Variants in KCNIP4 observed in about 807,000 individuals in gnomAD.
KCNIP4 encodes the protein Kv channel-interacting protein 4.
In KCNIP4, 12 loss-of-function variants were observed where a neutral mutation model predicts 34.0. The ratio of observed to expected loss-of-function variants is 0.35; its 90% CI spans 0.23 to 0.57. KCNIP4 has a LOEUF of 0.57. KCNIP4 is among the 20% of genes least tolerant of loss of function. The pLI, the probability that KCNIP4 is intolerant of heterozygous loss-of-function variation, is 0.83. For missense variants in KCNIP4, 238 were observed against 311.7 expected (o/e 0.76, Z 1.78); for synonymous variants, 124 against 102.2 (o/e 1.21, Z -1.29).
intron 1 of KCNIP4, among the ~76,000 whole-genome samples, chr4:21,893,306 G>C (rs999272278): frequency 3.9e-5 from 6 of 152,076 alleles, no homozygotes; most frequent in Non-Finnish European, 5.9e-5. Context: ...TGTATGCTTT[G>C]GTTTTATTTT....
intron 1 of KCNIP4, among the ~76,000 whole-genome samples, chr4:21,135,751 C>T (rs28684660): frequency 0.53 from 80,308 of 151,996 alleles, 21,800 homozygotes; most frequent in African/African-American, 0.64. Context: ...ATCTTGGGCT[C>T]GAAAGCCTAA....
At chr4:20,774,768 CA>C (rs1756230943) in intron 3 of KCNIP4, among the ~76,000 whole-genome samples, 3 of 152,144 alleles carry the variant, frequency 2.0e-5, no homozygotes, top group Non-Finnish European at 4.4e-5. Flanking sequence ...ACCCTGTGTA[CA>C]AAAACCTGTG....
intron 1 of KCNIP4, among the ~76,000 whole-genome samples, chr4:21,556,495 T>C (rs921918684): frequency 6.6e-6 from 1 of 152,162 alleles, no homozygotes; most frequent in Non-Finnish European, 1.5e-5. Context: ...AAGGATGACA[T>C]GGGACTTTGT....
chr4:21,787,486 T>C (rs563151999), intron 1 of KCNIP4, among the ~76,000 whole-genome samples: 1 of 152,316 alleles, frequency 6.6e-6, no homozygotes, highest in Admixed American at 6.5e-5. Context: ...ACTCCAGATA[T>C]TATACTAAAT....
At chr4:21,799,940 G>A (rs1459241122) in intron 1 of KCNIP4, among the ~76,000 whole-genome samples, 1 of 152,160 alleles carries the variant, frequency 6.6e-6, no homozygotes, top group Non-Finnish European at 1.5e-5. Context: ...AGTTGTGACC[G>A]TGACTATACG....
rs575542899 is a variant in KCNIP4 at position 20,812,541 on chromosome 4, A to C, written c.288+38002T>G. ...GCTTAAACATATTTTTCATGTCGCA[A>C]TATGCTTAGGGAAAGCTGGCCCCTT... On this transcript the variant is annotated intron_variant, in intron 3 of 8. Coordinates refer to ENST00000382152, the MANE Select transcript of KCNIP4 (RefSeq NM_025221.6). Among the ~76,000 whole-genome samples the C allele has an allele frequency of 2.1e-3, 324 of 152,276 alleles. 2 individuals carry two copies. The highest frequency in any genetic ancestry group is 3.9e-3 in the Non-Finnish European group (268 of 68,018).
intron 1 of KCNIP4, among the ~76,000 whole-genome samples, chr4:21,353,372 C>A (rs572113329): frequency 6.6e-6 from 1 of 152,084 alleles, no homozygotes; most frequent in Non-Finnish European, 1.5e-5. Flanking sequence ...CATGTTCTAA[C>A]CCATTGCAAG....
At chr4:21,467,383 T>G (rs1730079311) in intron 1 of KCNIP4, among the ~76,000 whole-genome samples, 1 of 152,150 alleles carries the variant, frequency 6.6e-6, no homozygotes, top group Non-Finnish European at 1.5e-5. Flanking sequence ...TTTTCTGGAT[T>G]TGAGTCTGTT....
chr4:21,474,184 C>CT (rs1182986963), intron 1 of KCNIP4, among the ~76,000 whole-genome samples: 1 of 151,968 alleles, frequency 6.6e-6, no homozygotes, highest in Non-Finnish European at 1.5e-5. Flanking sequence ...TTCATGAACT[C>CT]TATCAGTGGA....
chr4:20,942,241 A>G (rs1302361466), intron 1 of KCNIP4, among the ~76,000 whole-genome samples: 4 of 152,190 alleles, frequency 2.6e-5, no homozygotes, highest in Non-Finnish European at 5.9e-5. Context: ...GAAGAATTAC[A>G]TGGTGAGCAC....
intron 1 of KCNIP4, among the ~76,000 whole-genome samples, chr4:21,312,468 G>T (rs979937522): frequency 6.6e-6 from 1 of 152,148 alleles, no homozygotes; most frequent in Non-Finnish European, 1.5e-5. Context: ...GCATTAATCT[G>T]CTCAAACACC....
At chr4:21,226,463 T>G in intron 1 of KCNIP4, among the ~76,000 whole-genome samples, 1 of 151,948 alleles carries the variant, frequency 6.6e-6, no homozygotes, top group South Asian at 2.1e-4. Context: ...AACGTGAAAT[T>G]TGTATTTGAG....
intron 1 of KCNIP4, among the ~76,000 whole-genome samples, chr4:21,580,665 C>T (rs1741135793): frequency 6.6e-6 from 1 of 152,098 alleles, no homozygotes; most frequent in African/African-American, 2.4e-5. Flanking sequence ...AATATTTTTA[C>T]ATTTGCCATG....
At chr4:21,646,168 A>G (rs539971047) in intron 1 of KCNIP4, among the ~76,000 whole-genome samples, 133 of 152,242 alleles carry the variant, frequency 8.7e-4, no homozygotes, top group African/African-American at 3.0e-3. Flanking sequence ...TCCCAAGTAA[A>G]GCCTACATTA....
intron 1 of KCNIP4, among the ~76,000 whole-genome samples, chr4:21,131,998 C>G (rs754265487): frequency 2.6e-5 from 4 of 152,010 alleles, no homozygotes; most frequent in Admixed American, 6.5e-5. Flanking sequence ...AGAGAGGTAC[C>G]GTGGTAATGA....
chr4:21,786,756 CG>C (rs1490240971), intron 1 of KCNIP4, among the ~76,000 whole-genome samples: 1 of 151,738 alleles, frequency 6.6e-6, no homozygotes, highest in African/African-American at 2.4e-5. Context: ...TTAGTAGAGA[CG>C]GGGTTTCATC....
intron 3 of KCNIP4, among the ~76,000 whole-genome samples, chr4:20,774,838 G>T (rs1476407989): frequency 6.6e-6 from 1 of 152,170 alleles, no homozygotes. Flanking sequence ...CTGAGACAAG[G>T]TTGGTTAATT....
rs529277592 is a variant in KCNIP4, at chr4:21,219,366, T to C, written c.62-336657A>G. Among the ~76,000 whole-genome samples the C allele has an allele frequency of 1.8e-4, 27 of 152,290 alleles. 1 individual carries two copies. In the East Asian group the frequency reaches 5.0e-3, roughly 28 times the overall value. Reference sequence around the variant, plus strand: ...GAAAGAATGGCTTGATATGCACATATTTGTTTGGGTGTGTGTGTTTGCCAA... The same window carrying C: ...GAAAGAATGGCTTGATATGCACATACTTGTTTGGGTGTGTGTGTTTGCCAA... On this transcript the variant is annotated intron_variant, in intron 1 of 8. Coordinates refer to ENST00000382152, the MANE Select transcript of KCNIP4 (RefSeq NM_025221.6).
At chr4:21,153,506 T>C (rs1171473935) in intron 1 of KCNIP4, among the ~76,000 whole-genome samples, 1 of 70,336 alleles carries the variant, frequency 1.4e-5, no homozygotes, top group African/African-American at 6.2e-5. Context: ...TATATATATA[T>C]GTGTGTGTGT....
Sources: allele counts gnomAD v4.1 joint callset (sites outside exome capture counted in the v4.1 genomes callset), GRCh38; gene constraint gnomAD v4.1.1; transcripts MANE v1.5; gene names NCBI Gene and HGNC (gene_info 2026-07-23, HGNC 2026-07-21).